SPEF2: variants seen among roughly 807,000 people sequenced by gnomAD.
SPEF2 encodes the protein sperm flagella and cilia-associated protein 2.
In SPEF2, 187 loss-of-function variants were observed where a neutral mutation model predicts 224.6. The observed-to-expected ratio is 0.83, with a 90% CI of 0.74 to 0.94. The LOEUF (loss-of-function observed/expected upper bound fraction) is 0.94, where lower values mean the gene tolerates loss of function less well. Ranked by LOEUF, SPEF2 falls within the 40% of genes least tolerant of loss-of-function variation. SPEF2 has a pLI of 0.00. For synonymous variants in SPEF2, 715 were observed against 707.3 expected, an observed-to-expected ratio of 1.01 and a Z score of -0.17; for missense variants, 2,170 against 2,135.6, an observed-to-expected ratio of 1.02 and a Z score of -0.32.
chr5:35,628,693 G>A (rs1258460314), intron 2 of SPEF2, 131 bp downstream of exon 2: 2 of 605,044 alleles, frequency 3.3e-6, no homozygotes, highest in Non-Finnish European at 5.7e-6. Flanking sequence ...CTGGGATAAA[G>A]CAATCCTCTT....
chr5:35,639,118 G>T (rs995350952), intron 2 of SPEF2, among the ~76,000 whole-genome samples: 1 of 152,166 alleles, frequency 6.6e-6, no homozygotes, highest in Non-Finnish European at 1.5e-5. Flanking sequence ...CAGGGACAAG[G>T]CTTAACAATC....
chr5:35,710,552 A>C (rs768521664), intron 19 of SPEF2: 45 of 982,328 alleles, frequency 4.6e-5, no homozygotes, highest in Non-Finnish European at 5.3e-5. Context: ...GTGAAACTCT[A>C]CCTCCAAAAA....
intron 36 of SPEF2, chr5:35,807,999 G>A: frequency 8.0e-7 from 1 of 1,255,638 alleles, no homozygotes; most frequent in Non-Finnish European, 1.0e-6. Flanking sequence ...GAACTACAAA[G>A]TGTTTGCTGA....
intron 33 of SPEF2, 92 bp downstream of exon 33, chr5:35,795,887 C>A (rs185168952): frequency 2.8e-6 from 3 of 1,059,586 alleles, no homozygotes; most frequent in African/African-American, 3.2e-5. Flanking sequence ...CTGTGGACTG[C>A]ACCCCTGCCC....
At chr5:35,622,959 C>T (rs1743734714) in intron 1 of SPEF2, among the ~76,000 whole-genome samples, 1 of 152,186 alleles carries the variant, frequency 6.6e-6, no homozygotes, top group Non-Finnish European at 1.5e-5. Context: ...ATTGTGAAGA[C>T]TGACAATCCT....
intron 10 of SPEF2, among the ~76,000 whole-genome samples, chr5:35,684,442 A>G (rs1002786304): frequency 6.6e-6 from 1 of 152,186 alleles, no homozygotes; most frequent in Non-Finnish European, 1.5e-5. Context: ...TGTTCTCTTC[A>G]CAGTGACATC....
chr5:35,759,820 A>C (rs947737421), intron 25 of SPEF2, 101 bp downstream of exon 25: 73 of 1,201,066 alleles, frequency 6.1e-5, no homozygotes, highest in Non-Finnish European at 7.7e-5. Flanking sequence ...TTTATCTGCA[A>C]ATCTAAGATC....
Position 35,763,669 on chromosome 5 carries a change from C to T in SPEF2, c.3768C>T (p.Thr1256=), listed in dbSNP as rs1751667430. 1 of 1,612,848 alleles carries T rather than the reference C, an allele frequency of 6.2e-7. No homozygotes were observed. Among genetic ancestry groups the T allele is most frequent in the Non-Finnish European group, 8.5e-7 (1 of 1,179,678 alleles). ...FEADEKLVMD[T]WQQASLAVSH... ...CCGATGAAAAGTTGGTCATGGACAC[C>T]TGGCAGCAGGCTTCTTTAGCAGTAT... Residue 1256 remains threonine, a synonymous_variant, in exon 26 of 37, where the codon ACC becomes ACT. Coordinates refer to ENST00000356031, the MANE Select transcript of SPEF2 (RefSeq NM_024867.4).
chr5:35,671,982 A>G (rs959313464), intron 10 of SPEF2, among the ~76,000 whole-genome samples: 5 of 151,944 alleles, frequency 3.3e-5, no homozygotes, highest in African/African-American at 1.2e-4. Context: ...TTATACTATC[A>G]TTCTTTATTT....
At chr5:35,713,722 A>T (rs1741696784) in intron 20 of SPEF2, among the ~76,000 whole-genome samples, 1 of 119,272 alleles carries the variant, frequency 8.4e-6, no homozygotes, top group Non-Finnish European at 1.7e-5. Flanking sequence ...TGGGTGACAG[A>T]CTCTGTCTCA....
chr5:35,640,904 C>T (rs145191282), intron 2 of SPEF2, among the ~76,000 whole-genome samples: 6 of 152,166 alleles, frequency 3.9e-5, no homozygotes, highest in African/African-American at 9.6e-5. Context: ...ATTTCCTGAG[C>T]GCCACATCTT....
In SPEF2 at chr5:35,628,489, A is replaced by G; in HGVS notation, c.88A>G (p.Ser30Gly). The G allele has an allele frequency of 1.2e-6, 2 of 1,613,932 alleles. No homozygotes were observed. The highest frequency in any genetic ancestry group is 1.7e-6 in the Non-Finnish European group (2 of 1,179,932). The change falls in exon 2 of 37, where the codon AGT becomes GGT. Residue 30 changes from serine (S) to glycine (G), a missense_variant. Transcript: ENST00000356031. The part of the protein sequence containing the change: ...SPKSFAKAFS[S>G]GYLLGEVLHK... ...CAAGTCATTTGCAAAGGCATTTTCC[A>G]GTGGCTATCTACTTGGAGAAGTTCT... is the stretch of plus-strand genomic sequence containing the variant.
chr5:35,755,525 A>C (rs1750306270), intron 24 of SPEF2, among the ~76,000 whole-genome samples: 1 of 152,238 alleles, frequency 6.6e-6, no homozygotes, highest in Non-Finnish European at 1.5e-5. Flanking sequence ...ACAAGGAATA[A>C]AGAGGAAAAA....
intron 10 of SPEF2, chr5:35,675,875 G>A (rs1580222987): frequency 2.2e-6 from 1 of 455,320 alleles, no homozygotes; most frequent in Admixed American, 2.4e-5. Flanking sequence ...TGTAGGCCAA[G>A]GATTTCAGAG....
intron 10 of SPEF2, among the ~76,000 whole-genome samples, chr5:35,672,979 A>C (rs1337995244): frequency 6.6e-6 from 1 of 152,188 alleles, no homozygotes; most frequent in African/African-American, 2.4e-5. Context: ...CTCATGTCTT[A>C]ACTTTATTTC....
chr5:35,709,352 G>A, intron 19 of SPEF2: 2 of 1,340,810 alleles, frequency 1.5e-6, no homozygotes, highest in South Asian at 3.5e-5. Flanking sequence ...TCACACCTAG[G>A]TCTACTGATT....
At chr5:35,777,970 C>T (rs1051540795) in intron 29 of SPEF2, among the ~76,000 whole-genome samples, 1 of 152,248 alleles carries the variant, frequency 6.6e-6, no homozygotes, top group East Asian at 1.9e-4. Context: ...CCTCCTCTGT[C>T]CCCGAGCACG....
intron 20 of SPEF2, among the ~76,000 whole-genome samples, chr5:35,716,221 GT>G (rs1210175392): frequency 2.0e-5 from 3 of 151,946 alleles, no homozygotes; most frequent in Admixed American, 6.6e-5. Context: ...GATATGTTGG[GT>G]TTGTATAACT....
At chr5:35,662,073 A>G (rs1749820660) in intron 8 of SPEF2, among the ~76,000 whole-genome samples, 1 of 152,000 alleles carries the variant, frequency 6.6e-6, no homozygotes, top group South Asian at 2.1e-4. Context: ...TTTCTCTACA[A>G]CCTCACCAGC....
Sources: gnomAD v4.1 joint callset for allele counts (sites outside exome capture counted in the v4.1 genomes callset) on GRCh38, gnomAD v4.1.1 for gene constraint, MANE v1.5 for transcripts, NCBI Gene and HGNC (gene_info 2026-07-23, HGNC 2026-07-21) for gene names.